TIA1: variants seen among roughly 807,000 people sequenced by gnomAD.
TIA1 encodes the protein cytotoxic granule associated RNA binding protein TIA1.
A neutral mutation model predicts 65.9 loss-of-function variants in TIA1; 23 were observed. That is an observed-to-expected ratio of 0.35 (90% confidence interval 0.25 to 0.49). The LOEUF is 0.49. TIA1 is among the 20% of genes least tolerant of loss of function. The pLI is 0.98. For synonymous variants in TIA1, 147 were observed against 149.4 expected (o/e 0.98, Z 0.12); for missense variants, 371 against 477.9 (o/e 0.78, Z 2.09).
chr2:70,211,184 A>G lies in TIA1; in HGVS notation c.*1535T>C, dbSNP rs568563864. 6.6e-6 allele frequency: 1 copy of G among 152,256 alleles called. No homozygotes were observed. The highest frequency in any genetic ancestry group is 6.5e-5 in the Admixed American group (1 of 15,300). 9.4% of individuals were successfully genotyped at this position (152,256 alleles called of 1,614,324 possible). A position where few individuals can be genotyped will look rare whatever the true frequency, so the allele number is the denominator to read the frequency against. On this transcript the variant is annotated 3_prime_UTR_variant, in exon 13 of 13. Coordinates refer to ENST00000433529, the MANE Select transcript of TIA1 (RefSeq NM_022173.4). The stretch of plus-strand genomic sequence containing the variant: ...GAGTAAAGGAAGAAGGAGGTTTGTG[A>G]TCTTCACTGAAAACAAAGTGAAACT...
intron 12 of TIA1, among the ~76,000 whole-genome samples, chr2:70,214,081 T>C (rs1300500951): frequency 6.6e-6 from 1 of 152,144 alleles, no homozygotes; most frequent in Non-Finnish European, 1.5e-5. Flanking sequence ...AAAAAACCCT[T>C]TGTACAGAAA....
Position 70,227,688 on chromosome 2 carries a change from A to G in TIA1, c.398+47T>C, listed in dbSNP as rs776312110. On this transcript the variant is annotated intron_variant, in intron 6 of 12. Transcript: ENST00000433529. ...AATTATTTTCAAGTTATGTCTACAT[A>G]TAATTGTTTCTAATTAAAAGGATTT... 2.4e-6 allele frequency: 3 copies of G among 1,275,444 alleles called. No homozygotes were observed. In the South Asian group the frequency reaches 4.1e-5, roughly 17 times the overall value. The allele number at this position is 1,275,444 out of a possible 1,614,324, so 79.0% of individuals were successfully genotyped here. A position where few individuals can be genotyped will look rare whatever the true frequency, so the allele number is the denominator to read the frequency against.
intron 8 of TIA1, 57 bp from the exon 9 acceptor site, chr2:70,216,556 A>G (rs887445632): frequency 7.9e-6 from 12 of 1,521,184 alleles, no homozygotes; most frequent in South Asian, 1.1e-5. Context: ...GCAGAAAGAG[A>G]AAAGTAGCAT....
intron 1 of TIA1, among the ~76,000 whole-genome samples, chr2:70,237,827 C>A (rs1433309082): frequency 1.3e-5 from 2 of 151,400 alleles, no homozygotes; most frequent in African/African-American, 4.9e-5. Context: ...GATCACGCCA[C>A]TGCACTCCAG....
intron 1 of TIA1, among the ~76,000 whole-genome samples, chr2:70,243,399 C>A (rs1192507884): frequency 1.3e-5 from 2 of 152,134 alleles, no homozygotes; most frequent in East Asian, 3.9e-4. Context: ...TGCGCCAGAG[C>A]CTGGACAACA....
intron 1 of TIA1, among the ~76,000 whole-genome samples, chr2:70,237,797 C>T: frequency 6.6e-6 from 1 of 151,074 alleles, no homozygotes; most frequent in African/African-American, 2.4e-5. Context: ...ACCCAGGAGG[C>T]AGAGGTTGCA....
chr2:70,227,015 G>A (rs1684098443), intron 6 of TIA1, among the ~76,000 whole-genome samples: 1 of 151,922 alleles, frequency 6.6e-6, no homozygotes, highest in South Asian at 2.1e-4. Context: ...TATTCTTCTA[G>A]GTGGAAAAAT....
Position 70,215,480 on chromosome 2 carries a change from T to C in TIA1, c.779A>G (p.Glu260Gly). ...GYSFVRFNSH[E>G]SAAHAIVSVN... ...AGAAACAATTGCATGTGCTGCACTT[T>C]CATGGGAATTGAACCTATTGAAAAC... The change falls in exon 11 of 13, where the codon GAA becomes GGA. Residue 260 changes from glutamate (E) to glycine (G), a missense_variant. Coordinates refer to ENST00000433529, the MANE Select transcript of TIA1 (RefSeq NM_022173.4). 6.2e-7 allele frequency: 1 copy of C among 1,613,312 alleles called. No homozygotes were observed. The highest frequency in any genetic ancestry group is 1.7e-5 in the Admixed American group (1 of 59,926).
chr2:70,220,557 A>T lies in TIA1; in HGVS notation c.475-3563T>A, dbSNP rs774576231. On this transcript the variant is annotated intron_variant, in intron 7 of 12. Transcript: ENST00000433529. Reference sequence around the variant, plus strand: ...AGAAGCTTGGAAGAAGCAACAAAGGATTCTTCTACAGAGCCTTCAAAAGAG... The same window carrying T: ...AGAAGCTTGGAAGAAGCAACAAAGGTTTCTTCTACAGAGCCTTCAAAAGAG... Among the ~76,000 whole-genome samples the T allele has an allele frequency of 8.5e-5, 13 of 152,186 alleles. 1 individual carries two copies. The highest frequency in any genetic ancestry group is 2.1e-4 in the South Asian group (1 of 4,834).
Position 70,216,502 on chromosome 2 carries a change from G to A in TIA1, c.584-3C>T. 6.2e-7 allele frequency: 1 copy of A among 1,610,492 alleles called. No individual in the cohort carries two copies. The highest frequency in any genetic ancestry group is 8.5e-7 in the Non-Finnish European group (1 of 1,178,402). On this transcript the variant is annotated splice_region_variant and splice_polypyrimidine_tract_variant and intron_variant, in intron 8 of 12. Transcript: ENST00000433529. ...ATATGATAGCTGTTTGGTATTTGCT[G>A]GTGAGAGAAAAGGTTTATGTCTTTA...
At chr2:70,241,189 G>A (rs1691528562) in intron 1 of TIA1, among the ~76,000 whole-genome samples, 1 of 152,134 alleles carries the variant, frequency 6.6e-6, no homozygotes, top group African/African-American at 2.4e-5. Context: ...GCTCACGCCT[G>A]TAATCCTAGC....
At chr2:70,220,295 G>C (rs1229065854) in intron 7 of TIA1, among the ~76,000 whole-genome samples, 1 of 152,088 alleles carries the variant, frequency 6.6e-6, no homozygotes, top group African/African-American at 2.4e-5. Flanking sequence ...TGTAGTCCCA[G>C]CTACTTAGGA....
In TIA1 at chr2:70,214,371, C is replaced by A. The variant is rs1329874789; in HGVS notation, c.1012G>T (p.Ala338Ser). The A allele has an allele frequency of 6.2e-7, 1 of 1,613,012 alleles. No individual in the cohort carries two copies. Among genetic ancestry groups the A allele is most frequent in the Non-Finnish European group, 8.5e-7 (1 of 1,179,584 alleles). ...TACTTAAATCCTTGCTGGTTCCATG[C>A]CTGGCCATACATTCCATATGCAGGA... Reference protein sequence around the residue: ...QVPAYGMYGQAWNQQGFNQTQ... With the variant: ...QVPAYGMYGQSWNQQGFNQTQ... Residue 338 changes from alanine to serine, a missense_variant, in exon 12 of 13, where the codon GCA (alanine) becomes TCA (serine). Ala to Ser is a moderately conservative substitution (Grantham distance 99, BLOSUM62 1). Coordinates refer to ENST00000433529, the MANE Select transcript of TIA1 (RefSeq NM_022173.4).
intron 1 of TIA1, among the ~76,000 whole-genome samples, chr2:70,248,085 T>G (rs1695262061): frequency 6.6e-6 from 1 of 152,004 alleles, no homozygotes; most frequent in Non-Finnish European, 1.5e-5. Context: ...AAAAGGAAGG[T>G]TCGACGAGTT....
intron 1 of TIA1, among the ~76,000 whole-genome samples, chr2:70,245,632 T>C (rs566978027): frequency 6.6e-5 from 10 of 152,324 alleles, no homozygotes; most frequent in South Asian, 4.1e-4. Context: ...ATATGCTCAC[T>C]ACAAATGTTT....
chr2:70,240,795 T>C (rs527560941), intron 1 of TIA1, among the ~76,000 whole-genome samples: 2 of 152,106 alleles, frequency 1.3e-5, no homozygotes, highest in South Asian at 4.2e-4. Context: ...TCACTTGAAC[T>C]TGGGAGGTGG....
At position 70,212,566 on chromosome 2, in the gene TIA1, ATAAG is replaced by A. The variant is rs1676753637; in HGVS notation, c.*149_*152del. ...GTTTCTTTTTAAAACAATGTGGATG[ATAAG>A]TAATTTCATGATTAAAAATGAATCT... is the stretch of plus-strand genomic sequence containing the variant. On this transcript the variant is annotated 3_prime_UTR_variant, in exon 13 of 13. Coordinates refer to ENST00000433529, the MANE Select transcript of TIA1 (RefSeq NM_022173.4). 1 of 543,836 alleles carries A rather than the reference ATAAG, an allele frequency of 1.8e-6. No homozygotes were observed. Among genetic ancestry groups the A allele is most frequent in the African/African-American group, 1.9e-5 (1 of 53,268 alleles). 33.7% of individuals were successfully genotyped at this position (543,836 alleles called of 1,614,324 possible).
intron 7 of TIA1, chr2:70,217,204 C>T: frequency 2.9e-6 from 1 of 341,764 alleles, no homozygotes; most frequent in East Asian, 5.6e-5. Context: ...TAGAGTCTCG[C>T]TCTGTCACCC....
Position 70,238,260 on chromosome 2 carries a change from G to GTTTTTT in TIA1, c.27-2091_27-2086dup, listed in dbSNP as rs763865705. Among the ~76,000 whole-genome samples, 39 of 94,618 alleles carry GTTTTTT rather than the reference G, an allele frequency of 4.1e-4. 4 individuals carry two copies. Among genetic ancestry groups the GTTTTTT allele is most frequent in the East Asian group, 2.8e-3 (8 of 2,810 alleles). 62.1% of individuals were successfully genotyped at this position (94,618 alleles called of 152,430 possible). ...ACTAAGAACATTGACGTTCCCCCAA[G>GTTTTTT]TTTTTTTTTTTTTTTTTTTTTTTTT... On this transcript the variant is annotated intron_variant, in intron 1 of 12. Coordinates refer to ENST00000433529, the MANE Select transcript of TIA1 (RefSeq NM_022173.4).
Sources: allele counts gnomAD v4.1 joint callset (sites outside exome capture counted in the v4.1 genomes callset), GRCh38; gene constraint gnomAD v4.1.1; transcripts MANE v1.5; gene names NCBI Gene and HGNC (gene_info 2026-07-23, HGNC 2026-07-21).